Variants in DNAH11 observed in about 807,000 individuals in gnomAD.
DNAH11 encodes dynein axonemal heavy chain 11.
A neutral mutation model predicts 526.0 loss-of-function variants in DNAH11; 442 were observed. The ratio of observed to expected loss-of-function variants is 0.84; its 90% CI spans 0.78 to 0.91. DNAH11 has a LOEUF of 0.91. Among genes scored for constraint, DNAH11 ranks in the 40% least tolerant of loss-of-function variants. The pLI is 0.00. For missense variants in DNAH11, 6,989 were observed against 5,448.7 expected, an observed-to-expected ratio of 1.28 and a Z score of -8.90; for synonymous variants, 2,461 against 1,935.9, an observed-to-expected ratio of 1.27 and a Z score of -7.12.
chr7:21,569,965 C>A, intron 6 of DNAH11, 104 bp from the exon 7 acceptor site: 1 of 947,696 alleles, frequency 1.1e-6, no homozygotes, highest in Non-Finnish European at 1.5e-6. Context: ...GCTGGCCCAA[C>A]TTTAGATACT....
intron 63 of DNAH11, among the ~76,000 whole-genome samples, chr7:21,814,946 A>C (rs1405287809): frequency 2.0e-5 from 3 of 152,172 alleles, no homozygotes; most frequent in Non-Finnish European, 2.9e-5. Flanking sequence ...AACATCCTAA[A>C]AATTTGAGTC....
At chr7:21,887,073 A>C (rs1784151106) in intron 76 of DNAH11, among the ~76,000 whole-genome samples, 1 of 152,226 alleles carries the variant, frequency 6.6e-6, no homozygotes, top group South Asian at 2.1e-4. Context: ...TCTTTTTGCC[A>C]CTTCCCACAA....
At position 21,619,223 on chromosome 7, in the gene DNAH11, G is replaced by T; in HGVS notation, c.4377+1G>T. The T allele has an allele frequency of 2.5e-6, 4 of 1,612,576 alleles. No individual in the cohort carries two copies. The highest frequency in any genetic ancestry group is 3.4e-6 in the Non-Finnish European group (4 of 1,179,216). On this transcript the variant is annotated splice_donor_variant, in intron 24 of 81. Transcript: ENST00000409508. LOFTEE classifies it high-confidence loss of function. Reference sequence around the variant, plus strand: ...GGTGAAAGAGCTGGGGACTGAGAAGGTAGTGTCCTCGGGACTGGGTCATTT... The same window carrying T: ...GGTGAAAGAGCTGGGGACTGAGAAGTTAGTGTCCTCGGGACTGGGTCATTT...
At chr7:21,688,520 A>C (rs542200993) in intron 34 of DNAH11, among the ~76,000 whole-genome samples, 1 of 152,278 alleles carries the variant, frequency 6.6e-6, no homozygotes, top group South Asian at 2.1e-4. Flanking sequence ...GCTGCTGACT[A>C]CCAGATGCCC....
At chr7:21,766,919 A>G (rs1490093513) in intron 55 of DNAH11, among the ~76,000 whole-genome samples, 1 of 152,178 alleles carries the variant, frequency 6.6e-6, no homozygotes, top group African/African-American at 2.4e-5. Flanking sequence ...TAGGATATTC[A>G]TATACCTCCC....
chr7:21,816,275 G>T (rs992021536), intron 63 of DNAH11, among the ~76,000 whole-genome samples, 192 bp from the exon 64 acceptor site: 1 of 152,150 alleles, frequency 6.6e-6, no homozygotes, highest in Non-Finnish European at 1.5e-5. Flanking sequence ...ACAGAATTCT[G>T]AGATGTAAAT....
At chr7:21,636,399 T>C (rs534733918) in intron 26 of DNAH11, among the ~76,000 whole-genome samples, 3 of 152,288 alleles carry the variant, frequency 2.0e-5, no homozygotes, top group Admixed American at 6.5e-5. Context: ...CACATAGTTA[T>C]CATGTGTCAC....
chr7:21,699,492 G>T (rs972628956), intron 36 of DNAH11, among the ~76,000 whole-genome samples: 4 of 152,102 alleles, frequency 2.6e-5, no homozygotes, highest in African/African-American at 9.7e-5. Flanking sequence ...GAATACCACA[G>T]TTGCAACCAC....
chr7:21,589,113 T>G (rs1038180095), intron 11 of DNAH11, 95 bp from the exon 12 acceptor site: 18 of 917,024 alleles, frequency 2.0e-5, no homozygotes, highest in Admixed American at 7.6e-5. Flanking sequence ...TTGTTTATAG[T>G]GTATTATATT....
At position 21,711,792 on chromosome 7, in the gene DNAH11, C is replaced by T. The variant is rs201787952; in HGVS notation, c.6915C>T (p.Ser2305=). The change falls in exon 42 of 82, where the codon AGC becomes AGT. Residue 2305 remains serine (S), a synonymous_variant. Coordinates refer to ENST00000409508, the MANE Select transcript of DNAH11 (RefSeq NM_001277115.2). ...RLLFEIHHLR[S]ATPATVSRAG... ...TGTTTGAGATACATCACTTAAGGAG[C>T]GCAACCCCGGCCACTGTTTCCAGAG... 29 of 1,613,750 alleles carry T rather than the reference C, an allele frequency of 1.8e-5. No homozygotes were observed. The highest frequency in any genetic ancestry group is 1.3e-4 in the Admixed American group (8 of 59,952).
chr7:21,564,479 A>G (rs1171604299), intron 6 of DNAH11, 82 bp downstream of exon 6: 5 of 931,606 alleles, frequency 5.4e-6, no homozygotes, highest in East Asian at 5.2e-5. Context: ...ATAATCTAGT[A>G]TACAGTAAGA....
intron 45 of DNAH11, 31 bp from the exon 46 acceptor site, chr7:21,735,608 TG>T: frequency 6.5e-7 from 1 of 1,549,248 alleles, no homozygotes. Flanking sequence ...TCTCTCTTTC[TG>T]ATCTTTGTCT....
At position 21,704,572 on chromosome 7, in the gene DNAH11, G is replaced by A. The variant is rs764043342; in HGVS notation, c.6412G>A (p.Val2138Ile). The A allele has an allele frequency of 1.5e-5, 25 of 1,613,646 alleles. No individual in the cohort carries two copies. In the African/African-American group the frequency reaches 2.7e-4, roughly 17 times the overall value. ...GAGGAAGCTGCACTTTGAACAGATG[G>A]TCAGGCAGTCTACCCTGGAGCTCCG... ...RRRKLHFEQM[V>I]RQSTLELRLQ... The change falls in exon 38 of 82, where the codon GTC becomes ATC. Residue 2138 changes from valine to isoleucine, a missense_variant. Physicochemically the swap from Val to Ile is conservative, Grantham distance 29 (BLOSUM62 3). Coordinates refer to ENST00000409508, the MANE Select transcript of DNAH11 (RefSeq NM_001277115.2).
At chr7:21,744,029 C>T (rs1050528312) in intron 49 of DNAH11, among the ~76,000 whole-genome samples, 1 of 152,120 alleles carries the variant, frequency 6.6e-6, no homozygotes, top group Non-Finnish European at 1.5e-5. Flanking sequence ...TACTCTTGGT[C>T]TTGTATTCTT....
At chr7:21,815,375 G>A (rs1789734758) in intron 63 of DNAH11, among the ~76,000 whole-genome samples, 1 of 152,160 alleles carries the variant, frequency 6.6e-6, no homozygotes, top group African/African-American at 2.4e-5. Flanking sequence ...ATATCACTCG[G>A]AGATAGGGTT....
In DNAH11 at chr7:21,637,599, A is replaced by C; in HGVS notation, c.4726-12A>C. 1 of 1,531,978 alleles carries C rather than the reference A, an allele frequency of 6.5e-7. No homozygotes were observed. The highest frequency in any genetic ancestry group is 8.9e-7 in the Non-Finnish European group (1 of 1,120,310). 94.9% of individuals were successfully genotyped at this position (1,531,978 alleles called of 1,614,324 possible). ...TCTAATATCCACGGCCCCGTATTGT[A>C]CTTTCATGCAGGAGTTAATGTTCAA... On this transcript the variant is annotated splice_polypyrimidine_tract_variant and intron_variant, in intron 26 of 81. Transcript: ENST00000409508.
At chr7:21,830,915 C>T (rs1258946334) in intron 65 of DNAH11, among the ~76,000 whole-genome samples, 1 of 152,164 alleles carries the variant, frequency 6.6e-6, no homozygotes, top group South Asian at 2.1e-4. Context: ...ATTACTTAAG[C>T]AGCTTCTCAT....
intron 58 of DNAH11, among the ~76,000 whole-genome samples, 188 bp downstream of exon 58, chr7:21,784,728 C>T (rs1184355114): frequency 6.6e-6 from 1 of 152,156 alleles, no homozygotes; most frequent in East Asian, 1.9e-4. Context: ...CTTCTTTTCC[C>T]CATCCAGGAC....
chr7:21,810,489 A>G (rs1789468055), intron 63 of DNAH11, among the ~76,000 whole-genome samples: 1 of 152,216 alleles, frequency 6.6e-6, no homozygotes, highest in African/African-American at 2.4e-5. Flanking sequence ...AGGAAAATGC[A>G]GTGCAAGCTG....
Sources: gnomAD v4.1 joint callset for allele counts (sites outside exome capture counted in the v4.1 genomes callset) on GRCh38, gnomAD v4.1.1 for gene constraint, MANE v1.5 for transcripts, NCBI Gene and HGNC (gene_info 2026-07-23, HGNC 2026-07-21) for gene names.